CEP112: variants seen among roughly 807,000 people sequenced by gnomAD.
CEP112 encodes centrosomal protein 112, also known as centrosomal protein of 112 kDa.
CEP112 carries 127 observed loss-of-function variants against 153.0 expected under a neutral mutation model. That is an observed-to-expected ratio of 0.83 (90% CI 0.72 to 0.96). The LOEUF is 0.96. CEP112 is among the 40% of genes least tolerant of loss of function. The pLI is 0.00. For synonymous variants in CEP112, 358 were observed against 374.4 expected (o/e 0.96, Z 0.51); for missense variants, 1,089 against 1,101.2 (o/e 0.99, Z 0.16).
intron 23 of CEP112, among the ~76,000 whole-genome samples, chr17:65,695,030 C>A (rs1220594000): frequency 6.6e-6 from 1 of 152,218 alleles, no homozygotes; most frequent in Admixed American, 6.5e-5. Context: ...AAAGACAGTT[C>A]TTTTCTCCCA....
At chr17:65,639,319 AG>A (rs2044963924) in intron 25 of CEP112, among the ~76,000 whole-genome samples, 2 of 152,212 alleles carry the variant, frequency 1.3e-5, no homozygotes, top group Non-Finnish European at 2.9e-5. Flanking sequence ...GTTATGTGCC[AG>A]GCAAAGTACT....
At chr17:65,674,001 C>G (rs144368882) in intron 24 of CEP112, among the ~76,000 whole-genome samples, 1 of 152,126 alleles carries the variant, frequency 6.6e-6, no homozygotes, top group Non-Finnish European at 1.5e-5. Context: ...CTCAGTCTCC[C>G]GAGTAGCTGG....
intron 20 of CEP112, among the ~76,000 whole-genome samples, chr17:65,858,857 T>C (rs889327453): frequency 6.6e-6 from 1 of 152,202 alleles, no homozygotes; most frequent in Admixed American, 6.5e-5. Context: ...ACGTTGACAT[T>C]GATAAGAATT....
At chr17:65,782,974 GA>G (rs890644675) in intron 21 of CEP112, among the ~76,000 whole-genome samples, 5 of 142,810 alleles carry the variant, frequency 3.5e-5, no homozygotes, top group Admixed American at 7.0e-5. Context: ...AATAAAAGTT[GA>G]AAAAAAAATA....
At chr17:66,164,865 T>A (rs539632032) in intron 4 of CEP112, among the ~76,000 whole-genome samples, 40 of 145,240 alleles carry the variant, frequency 2.8e-4, no homozygotes, top group Admixed American at 7.9e-4. Flanking sequence ...AAAAAAAATA[T>A]ATATATATAT....
intron 21 of CEP112, among the ~76,000 whole-genome samples, chr17:65,812,282 C>T (rs776114051): frequency 2.6e-5 from 4 of 152,302 alleles, no homozygotes; most frequent in South Asian, 2.1e-4. Flanking sequence ...GGATTACAGG[C>T]GTAAGCCACC....
At chr17:65,777,599 G>A (rs1451257830) in intron 21 of CEP112, among the ~76,000 whole-genome samples, 3 of 152,082 alleles carry the variant, frequency 2.0e-5, no homozygotes, top group Admixed American at 6.6e-5. Context: ...GGTGCTTATC[G>A]TAGTACTCAA....
At chr17:65,989,112 G>C (rs1379905722) in intron 17 of CEP112, among the ~76,000 whole-genome samples, 2 of 151,604 alleles carry the variant, frequency 1.3e-5, no homozygotes, top group Non-Finnish European at 2.9e-5. Flanking sequence ...GTGGGCACCT[G>C]TAGTCCCAGC....
At chr17:65,715,044 A>G (rs2049421738) in intron 23 of CEP112, among the ~76,000 whole-genome samples, 1 of 152,166 alleles carries the variant, frequency 6.6e-6, no homozygotes, top group African/African-American at 2.4e-5. Context: ...GAGAAGTAGT[A>G]AGTGTAAAGT....
At chr17:65,768,409 C>T (rs559938657) in intron 21 of CEP112, among the ~76,000 whole-genome samples, 1 of 151,946 alleles carries the variant, frequency 6.6e-6, no homozygotes, top group South Asian at 2.1e-4. Flanking sequence ...ATAAGTAGAC[C>T]CATGCAGTTC....
At chr17:65,654,448 C>T (rs767735280) in intron 24 of CEP112, among the ~76,000 whole-genome samples, 6 of 152,194 alleles carry the variant, frequency 3.9e-5, no homozygotes, top group East Asian at 1.9e-4. Flanking sequence ...TCATAGGAAC[C>T]GTTCCACCGC....
intron 17 of CEP112, among the ~76,000 whole-genome samples, chr17:65,992,553 G>A (rs1168210563): frequency 6.6e-6 from 1 of 152,046 alleles, no homozygotes; most frequent in African/African-American, 2.4e-5. Flanking sequence ...CTTTGATAAT[G>A]CCAATGAATA....
chr17:65,786,773 A>G (rs2054299626), intron 21 of CEP112, among the ~76,000 whole-genome samples: 1 of 151,868 alleles, frequency 6.6e-6, no homozygotes. Flanking sequence ...TTTACTAGAG[A>G]TAAGGTCTCA....
At chr17:65,949,557 G>A (rs752367443) in intron 18 of CEP112, among the ~76,000 whole-genome samples, 4 of 152,242 alleles carry the variant, frequency 2.6e-5, no homozygotes, top group South Asian at 2.1e-4. Flanking sequence ...TGGGTTCTTC[G>A]CTGGATCATT....
intron 18 of CEP112, among the ~76,000 whole-genome samples, chr17:65,951,750 C>CCCCCCGT (rs1156897591): frequency 1.5e-5 from 1 of 64,970 alleles, no homozygotes; most frequent in Admixed American, 2.8e-4. Flanking sequence ...CCCGCCCCCC[C>CCCCCCGT]CTTTCTTCCA....
At chr17:66,001,786 C>T (rs1350393750) in intron 17 of CEP112, among the ~76,000 whole-genome samples, 2 of 152,172 alleles carry the variant, frequency 1.3e-5, no homozygotes, top group East Asian at 3.9e-4. Context: ...TTAACTCCTC[C>T]GAAAATACTA....
At chr17:65,871,565 G>A (rs2058670935) in intron 20 of CEP112, among the ~76,000 whole-genome samples, 1 of 152,180 alleles carries the variant, frequency 6.6e-6, no homozygotes, top group Non-Finnish European at 1.5e-5. Flanking sequence ...AATCTGGGAG[G>A]CGGAGATTAC....
chr17:65,985,465 G>A (rs1356937954), intron 17 of CEP112, among the ~76,000 whole-genome samples: 1 of 152,164 alleles, frequency 6.6e-6, no homozygotes, highest in African/African-American at 2.4e-5. Context: ...TGACAGGAGA[G>A]GTAGAGGAGG....
chr17:65,679,307 C>A (rs2047400921), intron 24 of CEP112, among the ~76,000 whole-genome samples: 1 of 151,358 alleles, frequency 6.6e-6, no homozygotes. Context: ...ATTTTGTTGG[C>A]ATGGGAACAA....
Sources: allele counts gnomAD v4.1 joint callset (sites outside exome capture counted in the v4.1 genomes callset), GRCh38; gene constraint gnomAD v4.1.1; transcripts MANE v1.5; gene names NCBI Gene and HGNC (gene_info 2026-07-23, HGNC 2026-07-21).